The following RBFOX1 variants were observed in gnomAD, a reference collection of about 807,000 sequenced individuals.
RBFOX1 encodes RNA binding fox-1 homolog 1, also known as RNA binding protein fox-1 homolog 1.
In RBFOX1, 8 loss-of-function variants were observed where a neutral mutation model predicts 57.7. That is an observed-to-expected ratio of 0.14 (90% CI 0.08 to 0.25). The LOEUF is 0.25. Among genes scored for constraint, RBFOX1 ranks in the 10% least tolerant of loss-of-function variants. RBFOX1 has a pLI of 1.00. For synonymous variants in RBFOX1, 326 were observed against 222.4 expected (o/e 1.47, Z -4.15); for missense variants, 611 against 548.5 (o/e 1.11, Z -1.14).
intron 3 of RBFOX1, among the ~76,000 whole-genome samples, chr16:6,749,805 G>A (rs1048458929): frequency 1.3e-5 from 2 of 152,164 alleles, no homozygotes; most frequent in East Asian, 1.9e-4. Flanking sequence ...TGAAGAATGC[G>A]ATGTAAAATG....
intron 2 of RBFOX1, among the ~76,000 whole-genome samples, chr16:6,651,753 A>G (rs2098597989): frequency 6.6e-6 from 1 of 152,190 alleles, no homozygotes; most frequent in African/African-American, 2.4e-5. Context: ...AGATACGTAC[A>G]CACCCGTGTT....
At chr16:6,594,390 T>A (rs1040366400) in intron 2 of RBFOX1, among the ~76,000 whole-genome samples, 2 of 152,162 alleles carry the variant, frequency 1.3e-5, no homozygotes, top group Admixed American at 1.3e-4. Flanking sequence ...CGATTATAAA[T>A]GGTGGCTGAC....
At chr16:6,249,466 G>A (rs563216874) in intron 1 of RBFOX1, among the ~76,000 whole-genome samples, 1 of 152,330 alleles carries the variant, frequency 6.6e-6, no homozygotes, top group East Asian at 1.9e-4. Flanking sequence ...AGAGATTGTA[G>A]TGAGCCAAGA....
chr16:6,263,310 A>G (rs1030332528), intron 1 of RBFOX1, among the ~76,000 whole-genome samples: 2 of 152,202 alleles, frequency 1.3e-5, no homozygotes, highest in African/African-American at 4.8e-5. Flanking sequence ...GAATTTGAGC[A>G]TTGAGAATTC....
rs1224247925 is a variant in RBFOX1, at chr16:7,184,252, G to A, written c.27+132154G>A. ...GAGGACTTCTTTGCTTATAGCAAGG[G>A]GGTTGAATTTTAGTTTTAGGACAAT... On this transcript the variant is annotated intron_variant, in intron 4 of 15. Coordinates refer to ENST00000550418, the MANE Select transcript of RBFOX1 (RefSeq NM_018723.4). Among the ~76,000 whole-genome samples, 4 of 152,190 alleles carry A rather than the reference G, an allele frequency of 2.6e-5. No individual in the cohort carries two copies. In the East Asian group the frequency reaches 7.7e-4, roughly 29 times the overall value.
intron 4 of RBFOX1, among the ~76,000 whole-genome samples, chr16:7,402,023 T>C (rs1310224587): frequency 6.6e-6 from 1 of 152,226 alleles, no homozygotes; most frequent in Non-Finnish European, 1.5e-5. Context: ...TTATTTTTAT[T>C]TTATTTTCAT....
intron 3 of RBFOX1, among the ~76,000 whole-genome samples, chr16:5,627,281 A>G (rs1361731598): frequency 6.6e-6 from 1 of 152,138 alleles, no homozygotes; most frequent in Non-Finnish European, 1.5e-5. Context: ...TTCTCATGTT[A>G]TTGGTGTGTC....
intron 4 of RBFOX1, among the ~76,000 whole-genome samples, chr16:7,059,133 G>C (rs914693054): frequency 6.6e-6 from 1 of 152,170 alleles, no homozygotes; most frequent in Non-Finnish European, 1.5e-5. Context: ...CTGGACATCA[G>C]ATAATGAAAC....
intron 1 of RBFOX1, among the ~76,000 whole-genome samples, chr16:5,286,024 C>T (rs1392607620): frequency 6.6e-6 from 1 of 152,156 alleles, no homozygotes; most frequent in East Asian, 1.9e-4. Context: ...CCCACATCGG[C>T]CTCCCAAAGT....
intron 3 of RBFOX1, among the ~76,000 whole-genome samples, chr16:6,830,763 G>A (rs1317221125): frequency 6.6e-6 from 1 of 152,148 alleles, no homozygotes; most frequent in Non-Finnish European, 1.5e-5. Context: ...AATTTTAGGA[G>A]GATGACGTCC....
chr16:5,326,137 T>C (rs1391521750), intron 1 of RBFOX1, among the ~76,000 whole-genome samples: 2 of 152,216 alleles, frequency 1.3e-5, no homozygotes, highest in African/African-American at 4.8e-5. Context: ...CGTCAGCATT[T>C]TTAATTTAGC....
intron 4 of RBFOX1, among the ~76,000 whole-genome samples, chr16:7,225,009 T>C (rs1248046123): frequency 6.6e-6 from 1 of 152,208 alleles, no homozygotes; most frequent in Non-Finnish European, 1.5e-5. Flanking sequence ...TGCTAAGACA[T>C]TTTTGTGACA....
At chr16:6,940,552 C>T (rs901873062) in intron 3 of RBFOX1, among the ~76,000 whole-genome samples, 2 of 152,082 alleles carry the variant, frequency 1.3e-5, no homozygotes, top group African/African-American at 2.4e-5. Context: ...CTAATTCATC[C>T]TCTTGGAGAG....
chr16:6,785,824 A>G (rs1287445899), intron 3 of RBFOX1, among the ~76,000 whole-genome samples: 2 of 132,372 alleles, frequency 1.5e-5, no homozygotes, highest in Non-Finnish European at 3.2e-5. Context: ...CTTACTTTAG[A>G]ATACAGAGCT....
intron 2 of RBFOX1, among the ~76,000 whole-genome samples, chr16:5,584,925 GA>G (rs553196989): frequency 5.9e-5 from 9 of 152,108 alleles, no homozygotes; most frequent in Admixed American, 3.3e-4. Context: ...ATTTTTATTT[GA>G]AAAAATACGG....
At chr16:5,610,497 A>G (rs2047739203) in intron 3 of RBFOX1, 1 of 152,176 alleles carries the variant, frequency 6.6e-6, no homozygotes, top group Admixed American at 6.5e-5. Context: ...TGGTCTTGGC[A>G]GGGGTATTAA....
At chr16:6,217,174 C>CTTTTTTTTTTTTTTTTTTTTT (rs71142697) in intron 1 of RBFOX1, among the ~76,000 whole-genome samples, 1 of 119,060 alleles carries the variant, frequency 8.4e-6, no homozygotes, top group African/African-American at 3.2e-5. Context: ...TTAGGGGATT[C>CTTTTTTTTTTTTTTTTTTTTT]TTTTTTTTTT....
intron 3 of RBFOX1, among the ~76,000 whole-genome samples, chr16:6,859,179 A>ACG (rs1201643311): frequency 2.6e-4 from 23 of 87,088 alleles, no homozygotes; most frequent in African/African-American, 1.2e-3. Flanking sequence ...ATATATGTAT[A>ACG]TATATGTATA....
intron 4 of RBFOX1, among the ~76,000 whole-genome samples, chr16:7,259,348 A>G (rs2094825586): frequency 6.6e-6 from 1 of 152,114 alleles, no homozygotes; most frequent in African/African-American, 2.4e-5. Context: ...TCTTTAACCA[A>G]AAGCGAATGG....
Sources: allele counts gnomAD v4.1 joint callset (sites outside exome capture counted in the v4.1 genomes callset), GRCh38; gene constraint gnomAD v4.1.1; transcripts MANE v1.5; gene names NCBI Gene and HGNC (gene_info 2026-07-23, HGNC 2026-07-21).